The following SVOPL variants were observed in gnomAD, a reference collection of about 807,000 sequenced individuals.
SVOPL encodes the protein SVOP like.
SVOPL carries 60 observed loss-of-function variants against 61.0 expected under a neutral mutation model. The observed-to-expected ratio is 0.98, with a 90% CI of 0.80 to 1.22. SVOPL has a LOEUF of 1.22. Ranked by LOEUF, SVOPL falls within the 50% of genes most tolerant of loss-of-function variation. The pLI is 0.00. For missense variants in SVOPL, 662 were observed against 643.9 expected (o/e 1.03, Z -0.30); for synonymous variants, 279 against 250.0 (o/e 1.12, Z -1.09).
At chr7:138,634,434 G>A (rs1444297826) in intron 9 of SVOPL, among the ~76,000 whole-genome samples, 1 of 151,232 alleles carries the variant, frequency 6.6e-6, no homozygotes, top group African/African-American at 2.4e-5. Flanking sequence ...CCTGGGGCCA[G>A]AAATTTAAGA....
At chr7:138,642,994 C>A (rs550585740) in intron 9 of SVOPL, among the ~76,000 whole-genome samples, 1 of 152,120 alleles carries the variant, frequency 6.6e-6, no homozygotes, top group East Asian at 1.9e-4. Flanking sequence ...GAAACTGGAT[C>A]CCTTGTGCAC....
Position 138,627,348 on chromosome 7 carries a change from A to AC in SVOPL, c.1181+1dup, listed in dbSNP as rs1313139403. Reference sequence around the variant, plus strand: ...AATCTGAAGCAATTAAACAGAAAATACCTTGAAGTGCAAATGTTGAGGAGA... The same window carrying AC: ...AATCTGAAGCAATTAAACAGAAAATACCCTTGAAGTGCAAATGTTGAGGAGA... On this transcript the variant is annotated splice_donor_variant, in intron 12 of 15. Transcript: ENST00000674285. LOFTEE classifies it high-confidence loss of function. 3.1e-6 allele frequency: 5 copies of AC among 1,607,782 alleles called. No homozygotes were observed. The highest frequency in any genetic ancestry group is 4.3e-6 in the Non-Finnish European group (5 of 1,174,374).
At chr7:138,639,308 G>A (rs567368771) in intron 9 of SVOPL, among the ~76,000 whole-genome samples, 1 of 151,580 alleles carries the variant, frequency 6.6e-6, no homozygotes, top group Non-Finnish European at 1.5e-5. Context: ...TATGCCAGGA[G>A]AAGTAAGTGG....
At chr7:138,597,124 G>A (rs192126765) in intron 14 of SVOPL, 18 of 1,278,766 alleles carry the variant, frequency 1.4e-5, no homozygotes, top group Middle Eastern at 4.3e-4. Flanking sequence ...ATCTTTTCAC[G>A]CAGATACTGG....
chr7:138,619,147 C>T (rs1320515996), intron 14 of SVOPL, among the ~76,000 whole-genome samples: 2 of 152,214 alleles, frequency 1.3e-5, no homozygotes, highest in Non-Finnish European at 2.9e-5. Context: ...GTGGCTCACA[C>T]CTGTAATCCC....
chr7:138,616,213 A>G (rs1389764609), intron 14 of SVOPL, among the ~76,000 whole-genome samples: 3 of 152,230 alleles, frequency 2.0e-5, no homozygotes, highest in Non-Finnish European at 4.4e-5. Context: ...AGCCTGAACT[A>G]AGACACCTAG....
chr7:138,679,705 A>C (rs1212686174), intron 1 of SVOPL, among the ~76,000 whole-genome samples: 1 of 152,178 alleles, frequency 6.6e-6, no homozygotes, highest in African/African-American at 2.4e-5. Context: ...GTGATGATTA[A>C]ATGAGTTAGT....
intron 8 of SVOPL, among the ~76,000 whole-genome samples, chr7:138,647,470 A>G (rs1801175328): frequency 6.6e-6 from 1 of 152,122 alleles, no homozygotes; most frequent in African/African-American, 2.4e-5. Flanking sequence ...AGGTAAATTT[A>G]TAGGGAGAAA....
chr7:138,659,360 G>A (rs1467332206), intron 6 of SVOPL, among the ~76,000 whole-genome samples: 1 of 152,074 alleles, frequency 6.6e-6, no homozygotes, highest in Non-Finnish European at 1.5e-5. Flanking sequence ...GGGCATGATG[G>A]CAGGCATCTG....
intron 4 of SVOPL, 131 bp downstream of exon 4, chr7:138,671,888 C>T: frequency 2.7e-6 from 2 of 741,864 alleles, no homozygotes; most frequent in East Asian, 2.7e-5. Context: ...TCAAATGCTG[C>T]AAACCCTTGA....
chr7:138,594,292 A>G lies in SVOPL; in HGVS notation c.*318T>C, dbSNP rs916217633. 2.7e-5 allele frequency: 5 copies of G among 186,040 alleles called. No homozygotes were observed. Among genetic ancestry groups the G allele is most frequent in the African/African-American group, 1.2e-4 (5 of 42,992 alleles). 11.5% of individuals were successfully genotyped at this position (186,040 alleles called of 1,614,324 possible). A position where few individuals can be genotyped will look rare whatever the true frequency, so the allele number is the denominator to read the frequency against. On this transcript the variant is annotated 3_prime_UTR_variant, in exon 16 of 16. Coordinates refer to ENST00000674285, the MANE Select transcript of SVOPL (RefSeq NM_001139456.2). ...ATGGGAGAATATCAAATGTAAGTTT[A>G]AAATTTAGTATTTATTCATATAAAG...
chr7:138,694,805 C>T (rs751124234), intron 1 of SVOPL, among the ~76,000 whole-genome samples: 6 of 152,130 alleles, frequency 3.9e-5, no homozygotes, highest in African/African-American at 1.2e-4. Context: ...GTGCAATGGT[C>T]TTGGCTCACT....
At chr7:138,684,061 G>A in intron 1 of SVOPL, among the ~76,000 whole-genome samples, 1 of 150,754 alleles carries the variant, frequency 6.6e-6, no homozygotes, top group Middle Eastern at 3.5e-3. Flanking sequence ...TCGGCAGGGG[G>A]GCAGGTGGCA....
chr7:138,618,802 G>T (rs1799420772), intron 14 of SVOPL, among the ~76,000 whole-genome samples: 1 of 151,826 alleles, frequency 6.6e-6, no homozygotes, highest in Non-Finnish European at 1.5e-5. Flanking sequence ...GATAGGAAAA[G>T]AAAACAAAAA....
At chr7:138,599,891 A>G (rs1356399037) in intron 14 of SVOPL, among the ~76,000 whole-genome samples, 2 of 150,986 alleles carry the variant, frequency 1.3e-5, no homozygotes, top group Non-Finnish European at 3.0e-5. Flanking sequence ...CCGTCTCAAA[A>G]AAAAAAAAAA....
chr7:138,604,070 C>G (rs537548538), intron 14 of SVOPL, among the ~76,000 whole-genome samples: 1 of 148,400 alleles, frequency 6.7e-6, no homozygotes, highest in Admixed American at 6.9e-5. Flanking sequence ...CTCAAGTGAT[C>G]CTCTCAGCTC....
Position 138,629,153 on chromosome 7 carries a change from G to GTGTGTGTGTGTGTGTATA in SVOPL, c.864-791_864-790insTATACACACACACACACA, listed in dbSNP as rs10624737. 4.9e-3 allele frequency among the ~76,000 whole-genome samples: 719 copies of GTGTGTGTGTGTGTGTATA among 147,338 alleles called. 6 individuals carry two copies. Among genetic ancestry groups the GTGTGTGTGTGTGTGTATA allele is most frequent in the African/African-American group, 0.012 (490 of 39,350 alleles). On this transcript the variant is annotated intron_variant, in intron 10 of 15. Coordinates refer to ENST00000674285, the MANE Select transcript of SVOPL (RefSeq NM_001139456.2). ...TGTGTGTGTGTGTGTGTGTGTGTGT[G>GTGTGTGTGTGTGTGTATA]TATATATGTATATATAATTTGCTGG...
intron 7 of SVOPL, 126 bp from the exon 8 acceptor site, chr7:138,649,263 T>C (rs1030581348): frequency 8.0e-7 from 1 of 1,253,056 alleles, no homozygotes; most frequent in Non-Finnish European, 1.1e-6. Flanking sequence ...ACATATCTTC[T>C]TTTGGGAGCC....
At chr7:138,698,567 C>T (rs1214620730) in intron 1 of SVOPL, among the ~76,000 whole-genome samples, 5 of 152,272 alleles carry the variant, frequency 3.3e-5, no homozygotes, top group South Asian at 2.1e-4. Flanking sequence ...CCCGCAGCCT[C>T]GGACTGCTCA....
Sources: allele counts gnomAD v4.1 joint callset (sites outside exome capture counted in the v4.1 genomes callset), GRCh38; gene constraint gnomAD v4.1.1; transcripts MANE v1.5; gene names NCBI Gene and HGNC (gene_info 2026-07-23, HGNC 2026-07-21).